The following SLC9A9 variants were observed in gnomAD, a reference collection of about 807,000 sequenced individuals.
SLC9A9 encodes the protein solute carrier family 9 member A9, also known as sodium/hydrogen exchanger 9.
Under a neutral mutation model 77.8 loss-of-function variants are expected in SLC9A9, and 62 were observed. The observed-to-expected ratio is 0.80, with a 90% CI of 0.65 to 0.98. SLC9A9 has a LOEUF of 0.98. SLC9A9 is among the 50% of genes least tolerant of loss of function. The probability of loss-of-function intolerance (pLI) is 0.00; values close to 1 mark genes in which losing one functional copy is unlikely to be tolerated. For synonymous variants in SLC9A9, 320 were observed against 283.5 expected (o/e 1.13, Z -1.29); for missense variants, 775 against 774.9 (o/e 1.00, Z 0.00).
intron 12 of SLC9A9, among the ~76,000 whole-genome samples, chr3:143,391,953 A>G (rs968126434): frequency 5.9e-5 from 9 of 152,230 alleles, no homozygotes; most frequent in Admixed American, 6.5e-5. Flanking sequence ...GGACTGTGTG[A>G]AAAGACCAAA....
chr3:143,565,618 G>A (rs187642720), intron 8 of SLC9A9, among the ~76,000 whole-genome samples: 2 of 152,074 alleles, frequency 1.3e-5, no homozygotes, highest in Admixed American at 1.3e-4. Flanking sequence ...TTGCATGTTT[G>A]TCTTTGGTTC....
chr3:143,405,427 T>C (rs2033956370), intron 12 of SLC9A9, among the ~76,000 whole-genome samples: 1 of 152,094 alleles, frequency 6.6e-6, no homozygotes, highest in African/African-American at 2.4e-5. Flanking sequence ...TGGGCCTACT[T>C]TTGTGGATAC....
chr3:143,400,467 T>C (rs1041932914), intron 12 of SLC9A9, among the ~76,000 whole-genome samples: 3 of 152,068 alleles, frequency 2.0e-5, no homozygotes, highest in Admixed American at 6.6e-5. Flanking sequence ...TTCTCACTCA[T>C]AAGTGGGAAC....
chr3:143,315,685 A>G (rs968322050), intron 14 of SLC9A9, among the ~76,000 whole-genome samples: 1 of 152,254 alleles, frequency 6.6e-6, no homozygotes, highest in Non-Finnish European at 1.5e-5. Context: ...AAGAGATTGA[A>G]TGATACTCAC....
intron 4 of SLC9A9, among the ~76,000 whole-genome samples, chr3:143,747,265 G>T (rs542697136): frequency 6.6e-6 from 1 of 152,082 alleles, no homozygotes; most frequent in African/African-American, 2.4e-5. Context: ...CCACCTGGGT[G>T]TGGTGGCAGG....
Position 143,265,662 on chromosome 3 carries a change from T to C in SLC9A9, c.*1040A>G. On this transcript the variant is annotated 3_prime_UTR_variant, in exon 16 of 16. Transcript: ENST00000316549. ...AATTAAAAGCTATCATGTTGGTCTC[T>C]GGAATGCAGGCCATGAGCCACGCCT... 2.5e-6 allele frequency: 1 copy of C among 397,464 alleles called. No homozygotes were observed. Among genetic ancestry groups the C allele is most frequent in the Admixed American group, 4.4e-5 (1 of 22,792 alleles). 24.6% of individuals were successfully genotyped at this position (397,464 alleles called of 1,614,324 possible). A position where few individuals can be genotyped will look rare whatever the true frequency, so the allele number is the denominator to read the frequency against.
At position 143,628,395 on chromosome 3, in the gene SLC9A9, C is replaced by T. The variant is rs559391711; in HGVS notation, c.755+23860G>A. Reference sequence around the variant, plus strand: ...TCCTACACTTGGGCAAAATCGTCTACCATAAAGCCTATAATATAATGTTGA... The same window carrying T: ...TCCTACACTTGGGCAAAATCGTCTATCATAAAGCCTATAATATAATGTTGA... On this transcript the variant is annotated intron_variant, in intron 6 of 15. Coordinates refer to ENST00000316549, the MANE Select transcript of SLC9A9 (RefSeq NM_173653.4). Among the ~76,000 whole-genome samples, 62 of 152,280 alleles carry T rather than the reference C, an allele frequency of 4.1e-4. 1 individual carries two copies. The highest frequency in any genetic ancestry group is 1.5e-3 in the African/African-American group (61 of 41,556).
chr3:143,787,832 G>A (rs6798335), intron 4 of SLC9A9, among the ~76,000 whole-genome samples: 41,142 of 150,736 alleles, frequency 0.27, 5,721 homozygotes, highest in South Asian at 0.37. Flanking sequence ...AAATACAAAT[G>A]AATTATATAA....
At chr3:143,341,789 G>T (rs769432391) in intron 14 of SLC9A9, among the ~76,000 whole-genome samples, 1 of 152,212 alleles carries the variant, frequency 6.6e-6, no homozygotes, top group Admixed American at 6.5e-5. Context: ...TGATAAGACC[G>T]TTAATTTATC....
intron 14 of SLC9A9, among the ~76,000 whole-genome samples, chr3:143,292,613 A>T (rs2030062804): frequency 6.6e-6 from 1 of 152,108 alleles, no homozygotes; most frequent in South Asian, 2.1e-4. Context: ...AGGTGTGTGG[A>T]TTAGAGAATC....
intron 8 of SLC9A9, among the ~76,000 whole-genome samples, chr3:143,554,948 A>AT (rs1214507313): frequency 6.6e-6 from 1 of 151,810 alleles, no homozygotes; most frequent in African/African-American, 2.4e-5. Context: ...TACTTGCTTT[A>AT]TTTTTTTCCT....
At chr3:143,831,641 A>G (rs956094951) in intron 2 of SLC9A9, among the ~76,000 whole-genome samples, 4 of 152,196 alleles carry the variant, frequency 2.6e-5, no homozygotes, top group Non-Finnish European at 5.9e-5. Flanking sequence ...CTTAAGAAAG[A>G]TTTGAACTGC....
At chr3:143,389,177 A>G (rs2033495868) in intron 12 of SLC9A9, among the ~76,000 whole-genome samples, 1 of 152,170 alleles carries the variant, frequency 6.6e-6, no homozygotes, top group Admixed American at 6.5e-5. Flanking sequence ...GGGTGAAATA[A>G]TTACATTTAT....
intron 6 of SLC9A9, among the ~76,000 whole-genome samples, chr3:143,617,830 G>A (rs2038131724): frequency 6.6e-6 from 1 of 152,198 alleles, no homozygotes; most frequent in Non-Finnish European, 1.5e-5. Flanking sequence ...ATTCAATGAA[G>A]GGCTAGGAAT....
chr3:143,297,769 T>C lies in SLC9A9; in HGVS notation c.1605-28789A>G, dbSNP rs2030342048. On this transcript the variant is annotated intron_variant, in intron 14 of 15. Coordinates refer to ENST00000316549, the MANE Select transcript of SLC9A9 (RefSeq NM_173653.4). ...TTTTTGATGCCATTATAAATGAAAT[T>C]AATTTTCTTTTTGTCTATTTTGTTG... Among the ~76,000 whole-genome samples the C allele has an allele frequency of 2.0e-5, 3 of 152,356 alleles. No individual in the cohort carries two copies. The East Asian group carries it at 5.8e-4, about 29-fold the overall frequency.
At chr3:143,448,254 A>G (rs1172431962) in intron 12 of SLC9A9, among the ~76,000 whole-genome samples, 1 of 152,154 alleles carries the variant, frequency 6.6e-6, no homozygotes, top group African/African-American at 2.4e-5. Context: ...ACCTCTAGCT[A>G]TGGCTCCAAG....
chr3:143,656,929 T>C (rs894544989), intron 5 of SLC9A9, among the ~76,000 whole-genome samples: 8 of 152,358 alleles, frequency 5.3e-5, no homozygotes, highest in East Asian at 3.9e-4. Flanking sequence ...AAATGTATTT[T>C]CTTTTTCTAA....
At chr3:143,355,350 AAAT>A (rs1241508017) in intron 14 of SLC9A9, among the ~76,000 whole-genome samples, 1 of 152,232 alleles carries the variant, frequency 6.6e-6, no homozygotes, top group Non-Finnish European at 1.5e-5. Flanking sequence ...CAGTAGGTAT[AAAT>A]AATAATAATA....
chr3:143,340,628 A>ATT (rs1210812146), intron 14 of SLC9A9, among the ~76,000 whole-genome samples: 1 of 152,130 alleles, frequency 6.6e-6, no homozygotes, highest in African/African-American at 2.4e-5. Flanking sequence ...CGTCTTCAAG[A>ATT]TTTCTCTTGG....
Sources: allele counts gnomAD v4.1 joint callset (sites outside exome capture counted in the v4.1 genomes callset), GRCh38; gene constraint gnomAD v4.1.1; transcripts MANE v1.5; gene names NCBI Gene and HGNC (gene_info 2026-07-23, HGNC 2026-07-21).